The following ESYT3 variants were observed in gnomAD, a reference collection of about 807,000 sequenced individuals.
ESYT3 encodes extended synaptotagmin 3.
ESYT3 carries 101 observed loss-of-function variants against 111.5 expected under a neutral mutation model. The observed-to-expected ratio is 0.91, with a 90% CI of 0.77 to 1.07. ESYT3 has a LOEUF of 1.07. Among genes scored for constraint, ESYT3 ranks in the 50% least tolerant of loss-of-function variants. The pLI is 0.00. For missense variants in ESYT3, 1,097 were observed against 1,109.4 expected (o/e 0.99, Z 0.16); for synonymous variants, 416 against 446.8 (o/e 0.93, Z 0.87).
chr3:138,465,295 G>A (rs1448932268), intron 9 of ESYT3, 44 bp from the exon 10 acceptor site: 6 of 1,459,902 alleles, frequency 4.1e-6, no homozygotes, highest in Non-Finnish European at 4.7e-6. Flanking sequence ...CATATGTCAG[G>A]TCGACTGTTG....
In ESYT3 at chr3:138,455,229, C is replaced by G; in HGVS notation, c.405C>G (p.Ile135Met). Residue 135 changes from isoleucine (I) to methionine (M), a missense_variant, in exon 3 of 23, where the codon ATC becomes ATG. By Grantham distance (10) the Ile-to-Met change is conservative (BLOSUM62 1). Coordinates refer to ENST00000389567, the MANE Select transcript of ESYT3 (RefSeq NM_031913.5). ...ISQTWPYLSM[I>M]MESKFREKLE... ...AGACCTGGCCCTACCTAAGCATGAT[C>G]ATGGAAAGCAAGTTCCGGGAGAAAC... The G allele has an allele frequency of 1.2e-6, 2 of 1,614,194 alleles. No individual in the cohort carries two copies. The highest frequency in any genetic ancestry group is 1.7e-6 in the Non-Finnish European group (2 of 1,180,040).
chr3:138,474,199 A>G (rs374127278), intron 19 of ESYT3, 22 bp from the exon 20 acceptor site: 5 of 1,589,088 alleles, frequency 3.1e-6, no homozygotes, highest in African/African-American at 2.8e-5. Flanking sequence ...TTTTTTTCCT[A>G]ATGTCTTTGA....
chr3:138,463,026 A>G (rs780475283), intron 8 of ESYT3, among the ~76,000 whole-genome samples: 1 of 152,074 alleles, frequency 6.6e-6, no homozygotes, highest in African/African-American at 2.4e-5. Context: ...CTTATATTCA[A>G]ATTCCCCCTT....
At chr3:138,473,751 G>T in intron 19 of ESYT3, 117 bp downstream of exon 19, 1 of 885,936 alleles carries the variant, frequency 1.1e-6, no homozygotes. Context: ...TAACACTTTG[G>T]GGGAAAAATG....
At chr3:138,452,026 C>T (rs755598082) in intron 1 of ESYT3, 22 bp from the exon 2 acceptor site, 2 of 1,613,534 alleles carry the variant, frequency 1.2e-6, no homozygotes, top group African/African-American at 1.3e-5. Context: ...AGTCTAACTT[C>T]CCCTCGGGGC....
rs1385933652 is a variant in ESYT3 at position 138,478,160 on chromosome 3, C to CTAAG, written c.*1308_*1311dup. 1.3e-5 allele frequency: 2 copies of CTAAG among 152,138 alleles called. No homozygotes were observed. The highest frequency in any genetic ancestry group is 6.5e-5 in the Admixed American group (1 of 15,284). The allele number at this position is 152,138 out of a possible 1,614,324, so 9.4% of individuals were successfully genotyped here. ...TTAATAGTTCCCAGCCTTTATAACA[C>CTAAG]TAAGTTTTAAGAAATGTTGATTAGG... On this transcript the variant is annotated 3_prime_UTR_variant, in exon 23 of 23. Coordinates refer to ENST00000389567, the MANE Select transcript of ESYT3 (RefSeq NM_031913.5).
intron 6 of ESYT3, 125 bp from the exon 7 acceptor site, chr3:138,460,486 C>T (rs6763380): frequency 0.53 from 554,239 of 1,043,508 alleles, 151,381 homozygotes; most frequent in Admixed American, 0.7. Flanking sequence ...TGCCTGCTTT[C>T]CTCCGAACCC....
In ESYT3 at chr3:138,478,957, T is replaced by C. The variant is rs929441781; in HGVS notation, c.*2103T>C. On this transcript the variant is annotated 3_prime_UTR_variant, in exon 23 of 23. Coordinates refer to ENST00000389567, the MANE Select transcript of ESYT3 (RefSeq NM_031913.5). ...AACCTGGAAGCCTGTGAAGCCTTGA[T>C]GGAGGCAACCATAAAATTGGCCCCA... is the stretch of plus-strand genomic sequence containing the variant. 3 of 152,194 alleles carry C rather than the reference T, an allele frequency of 2.0e-5. No homozygotes were observed. 9.4% of individuals were successfully genotyped at this position (152,194 alleles called of 1,614,324 possible).
chr3:138,474,100 A>G (rs761007438), intron 19 of ESYT3, 121 bp from the exon 20 acceptor site: 59 of 1,324,452 alleles, frequency 4.5e-5, no homozygotes, highest in Non-Finnish European at 6.0e-5. Flanking sequence ...AATGGCTAAT[A>G]TAGCCTTCTC....
rs1338889218 is a variant in ESYT3 at position 138,478,735 on chromosome 3, C to T, written c.*1881C>T. The T allele has an allele frequency of 6.6e-6, 1 of 152,048 alleles. No homozygotes were observed. Among genetic ancestry groups the T allele is most frequent in the East Asian group, 1.9e-4 (1 of 5,178 alleles). 9.4% of individuals were successfully genotyped at this position (152,048 alleles called of 1,614,324 possible). A position where few individuals can be genotyped will look rare whatever the true frequency, so the allele number is the denominator to read the frequency against. On this transcript the variant is annotated 3_prime_UTR_variant, in exon 23 of 23. Coordinates refer to ENST00000389567, the MANE Select transcript of ESYT3 (RefSeq NM_031913.5). ...ATTTTAGTACACAGCAGACAGGAGG[C>T]AAGGTTATATAGGCGCTGTGTGAGG...
intron 21 of ESYT3, 53 bp downstream of exon 21, chr3:138,476,381 A>T: frequency 3.7e-6 from 6 of 1,602,368 alleles, no homozygotes; most frequent in South Asian, 3.3e-5. Context: ...AATTCGCCTT[A>T]TCCCAATTTC....
chr3:138,478,559 T>C lies in ESYT3; in HGVS notation c.*1705T>C, dbSNP rs755772408. 1.3e-5 allele frequency: 2 copies of C among 152,186 alleles called. No homozygotes were observed. Among genetic ancestry groups the C allele is most frequent in the Non-Finnish European group, 2.9e-5 (2 of 68,024 alleles). The allele number at this position is 152,186 out of a possible 1,614,324, so 9.4% of individuals were successfully genotyped here. On this transcript the variant is annotated 3_prime_UTR_variant, in exon 23 of 23. Transcript: ENST00000389567. ...TAAAACAGCTAATCAAAATGGCAGA[T>C]AAGTGAAAACCTACCCCTCTTCTTC...
intron 1 of ESYT3, among the ~76,000 whole-genome samples, chr3:138,451,298 T>C (rs1048017525): frequency 6.6e-6 from 1 of 152,240 alleles, no homozygotes; most frequent in East Asian, 1.9e-4. Flanking sequence ...GGGAGGAGGC[T>C]TGGGAGGGGC....
Position 138,469,155 on chromosome 3 carries a change from A to G in ESYT3, c.1434+274A>G, listed in dbSNP as rs908675639. 2.5e-5 allele frequency: 15 copies of G among 592,942 alleles called. No homozygotes were observed. In the East Asian group the frequency reaches 4.2e-4, roughly 17 times the overall value. The allele number at this position is 592,942 out of a possible 1,614,324, so 36.7% of individuals were successfully genotyped here. On this transcript the variant is annotated intron_variant, in intron 14 of 22. Transcript: ENST00000389567. ...GCTAAGAGGAGGAGCCAGATTCCAC[A>G]CTGTTTTCATAGCCCCAGGGAACGA...
At chr3:138,475,793 G>A (rs890911388) in intron 20 of ESYT3, among the ~76,000 whole-genome samples, 1 of 152,210 alleles carries the variant, frequency 6.6e-6, no homozygotes, top group Admixed American at 6.5e-5. Context: ...GCCAGGTGTG[G>A]TGGTGCATGC....
At chr3:138,441,369 G>A (rs1343282057) in intron 1 of ESYT3, among the ~76,000 whole-genome samples, 4 of 152,224 alleles carry the variant, frequency 2.6e-5, no homozygotes, top group African/African-American at 7.2e-5. Flanking sequence ...AGGGCCATGA[G>A]TAGGGACAGA....
rs113806774 is a variant in ESYT3, at chr3:138,439,140, C to T, written c.327+4015C>T. 1.7e-3 allele frequency among the ~76,000 whole-genome samples: 264 copies of T among 152,288 alleles called. 1 individual carries two copies. The highest frequency in any genetic ancestry group is 6.1e-3 in the African/African-American group (254 of 41,560). On this transcript the variant is annotated intron_variant, in intron 1 of 22. Coordinates refer to ENST00000389567, the MANE Select transcript of ESYT3 (RefSeq NM_031913.5). ...GTTGCCACACATGGTCGTGGTGAGTCGACTGTTTGAAAAGCTGCTTGCACA... is the reference window on the plus strand; with the variant it reads ...GTTGCCACACATGGTCGTGGTGAGTTGACTGTTTGAAAAGCTGCTTGCACA...
intron 2 of ESYT3, among the ~76,000 whole-genome samples, chr3:138,452,982 G>A (rs2032042099): frequency 6.6e-6 from 1 of 152,218 alleles, no homozygotes; most frequent in African/African-American, 2.4e-5. Context: ...TCCTTGAGAG[G>A]CTGAGGCAGG....
chr3:138,476,932 TC>T lies in ESYT3; in HGVS notation c.*80del. On this transcript the variant is annotated 3_prime_UTR_variant, in exon 23 of 23. Transcript: ENST00000389567. ...TATTTTTTCCTTTGGATCACTTACA[TC>T]CAATATATGTATATTTTGTCATTTA... 9.1e-7 allele frequency: 1 copy of T among 1,094,694 alleles called. No individual in the cohort carries two copies. The highest frequency in any genetic ancestry group is 1.3e-6 in the Non-Finnish European group (1 of 754,802). 67.8% of individuals were successfully genotyped at this position (1,094,694 alleles called of 1,614,324 possible). A position where few individuals can be genotyped will look rare whatever the true frequency, so the allele number is the denominator to read the frequency against.
Sources: allele counts gnomAD v4.1 joint callset (sites outside exome capture counted in the v4.1 genomes callset), GRCh38; gene constraint gnomAD v4.1.1; transcripts MANE v1.5; gene names NCBI Gene and HGNC (gene_info 2026-07-23, HGNC 2026-07-21).